Variants in UTRN observed in about 807,000 individuals in gnomAD.
UTRN encodes the protein dystrophin-related protein 1.
A neutral mutation model predicts 463.9 loss-of-function variants in UTRN; 283 were observed. The ratio of observed to expected loss-of-function variants is 0.61; its 90% CI spans 0.55 to 0.67. UTRN has a LOEUF of 0.67. Among genes scored for constraint, UTRN ranks in the 30% least tolerant of loss-of-function variants. The pLI, the probability that UTRN is intolerant of heterozygous loss-of-function variation, is 0.00. For synonymous variants in UTRN, 1,442 were observed against 1,431.5 expected (o/e 1.01, Z -0.17); for missense variants, 3,922 against 4,084.3 (o/e 0.96, Z 1.08).
At chr6:144,828,970 G>T (rs1422327404) in intron 69 of UTRN, 115 bp downstream of exon 69, 8 of 1,206,550 alleles carry the variant, frequency 6.6e-6, no homozygotes, top group Non-Finnish European at 8.3e-6. Context: ...AAATTATTAA[G>T]TGTGGTTCCA....
At chr6:144,793,699 G>C (rs1776959996) in intron 62 of UTRN, 135 bp from the exon 63 acceptor site, 1 of 1,032,644 alleles carries the variant, frequency 9.7e-7, no homozygotes, top group African/African-American at 1.6e-5. Context: ...TTGGAATTCA[G>C]GAGACAACGA....
intron 34 of UTRN, 134 bp downstream of exon 34, chr6:144,499,561 C>T (rs1793988479): frequency 3.7e-6 from 2 of 547,744 alleles, no homozygotes. Flanking sequence ...TGTTTTTCCA[C>T]TTCTCTGTCC....
intron 51 of UTRN, among the ~76,000 whole-genome samples, chr6:144,580,045 G>A (rs1801815853): frequency 6.6e-6 from 1 of 152,116 alleles, no homozygotes; most frequent in African/African-American, 2.4e-5. Flanking sequence ...GTTTTTCTGA[G>A]GCAAGAGAAT....
At position 144,789,249 on chromosome 6, in the gene UTRN, T is replaced by A; in HGVS notation, c.8890T>A (p.Ser2964Thr). Residue 2964 changes from serine (S) to threonine (T), a missense_variant, in exon 62 of 75, where the codon TCC (serine) becomes ACC (threonine). Physicochemically the swap from Ser to Thr is moderately conservative, Grantham distance 58. Coordinates refer to ENST00000367545, the MANE Select transcript of UTRN (RefSeq NM_007124.3). Reference protein sequence around the residue: ...QSLKIGLMSLSKGLLEEKYRY... With the variant: ...QSLKIGLMSLTKGLLEEKYRY... ...TCTGAAGATTGGATTAATGTCTCTCTCCAAAGGTCTCTTGGAAGAAAAATA... is the reference window on the plus strand; with the variant it reads ...TCTGAAGATTGGATTAATGTCTCTCACCAAAGGTCTCTTGGAAGAAAAATA... 6.2e-7 allele frequency: 1 copy of A among 1,613,404 alleles called. No individual in the cohort carries two copies. The highest frequency in any genetic ancestry group is 1.7e-4 in the Middle Eastern group (1 of 6,052).
At chr6:144,696,528 CTT>C (rs945575035) in intron 52 of UTRN, among the ~76,000 whole-genome samples, 2 of 152,152 alleles carry the variant, frequency 1.3e-5, no homozygotes, top group African/African-American at 4.8e-5. Flanking sequence ...AGACTTGACT[CTT>C]TTCTCCTAAT....
In UTRN at chr6:144,840,788, C is replaced by T. The variant is rs749647982; in HGVS notation, c.10226C>T (p.Thr3409Met). 30 of 1,613,848 alleles carry T rather than the reference C, an allele frequency of 1.9e-5. No homozygotes were observed. The South Asian group carries it at 2.4e-4, about 13-fold the overall frequency. The change falls in exon 73 of 75, where the codon ACG becomes ATG. Residue 3409 changes from threonine (T) to methionine (M), a missense_variant. Physicochemically the swap from Thr to Met is moderately conservative, Grantham distance 81. Transcript: ENST00000367545. ...APPHDTSTDL[T>M]EVMEQIHSTF... ...CCGCACGACACCAGCACGGATCTCA[C>T]GGAGGTCATGGAGCAGATTCACAGC...
At position 144,700,222 on chromosome 6, in the gene UTRN, G is replaced by A. The variant is rs140486884; in HGVS notation, c.7788G>A (p.Gln2596=). Residue 2596 remains glutamine, a synonymous_variant, in exon 53 of 75, where the codon CAG becomes CAA. Transcript: ENST00000367545. The part of the protein sequence containing the change: ...MPIGGDVPAL[Q]LQYDHCKALR... ...TTGGAGGAGATGTTCCAGCCTTACAGCTCCAGTATGACCATTGTAAGGTAA... is the reference window on the plus strand; with the variant it reads ...TTGGAGGAGATGTTCCAGCCTTACAACTCCAGTATGACCATTGTAAGGTAA... The A allele has an allele frequency of 2.9e-5, 46 of 1,612,964 alleles. No individual in the cohort carries two copies. In the African/African-American group the frequency reaches 5.7e-4, roughly 20 times the overall value.
chr6:144,434,078 C>A (rs928080213), intron 9 of UTRN, among the ~76,000 whole-genome samples: 3 of 152,218 alleles, frequency 2.0e-5, no homozygotes, highest in Admixed American at 1.3e-4. Flanking sequence ...AACTAGACTC[C>A]GTCTGCAATC....
Position 144,330,737 on chromosome 6 carries a change from C to T in UTRN, c.79+38830C>T, listed in dbSNP as rs527407084. The T allele has an allele frequency of 1.8e-5, 15 of 829,266 alleles. No individual in the cohort carries two copies. The African/African-American group carries it at 2.8e-4, about 15-fold the overall frequency. 51.4% of individuals were successfully genotyped at this position (829,266 alleles called of 1,614,324 possible). A position where few individuals can be genotyped will look rare whatever the true frequency, so the allele number is the denominator to read the frequency against. ...TGGCAGAGGCTCAGACAGAGCAGAC[C>T]AGGATTGGGCTATTCACAGAGGCAG... On this transcript the variant is annotated intron_variant, in intron 2 of 74. Transcript: ENST00000367545.
chr6:144,359,306 T>A (rs1323807105), intron 2 of UTRN, among the ~76,000 whole-genome samples: 1 of 152,188 alleles, frequency 6.6e-6, no homozygotes, highest in African/African-American at 2.4e-5. Context: ...CCAGGTGTCT[T>A]GCAGGGGCAA....
chr6:144,673,287 C>T (rs1393507764), intron 51 of UTRN, among the ~76,000 whole-genome samples: 1 of 152,106 alleles, frequency 6.6e-6, no homozygotes, highest in African/African-American at 2.4e-5. Context: ...AAGTCCCCTA[C>T]AATTATTGTG....
At chr6:144,462,145 G>C (rs529664578) in intron 22 of UTRN, among the ~76,000 whole-genome samples, 13 of 152,182 alleles carry the variant, frequency 8.5e-5, no homozygotes, top group Middle Eastern at 3.4e-3. Context: ...CCACTTATAA[G>C]TGAGAATATG....
intron 52 of UTRN, among the ~76,000 whole-genome samples, chr6:144,686,991 C>G (rs1328758080): frequency 6.6e-6 from 1 of 152,080 alleles, no homozygotes; most frequent in Non-Finnish European, 1.5e-5. Context: ...GAGTTTTATG[C>G]TTTCAGAAGG....
chr6:144,734,124 C>T (rs947597488), intron 54 of UTRN, among the ~76,000 whole-genome samples: 11 of 152,250 alleles, frequency 7.2e-5, no homozygotes, highest in African/African-American at 2.6e-4. Context: ...TCTCACCCCT[C>T]CCCTGGCCGC....
chr6:144,835,723 C>T lies in UTRN; in HGVS notation c.9666-57C>T, dbSNP rs1251824520. 3.1e-6 allele frequency: 5 copies of T among 1,600,010 alleles called. No homozygotes were observed. The African/African-American group carries it at 5.4e-5, about 17-fold the overall frequency. On this transcript the variant is annotated intron_variant, in intron 69 of 74. Transcript: ENST00000367545. ...ATCATTATTTCTACTTCCTTTATGT[C>T]CAAAAACATCACCATCCAGATGTGA...
At position 144,802,599 on chromosome 6, in the gene UTRN, G is replaced by A. The variant is rs148688425; in HGVS notation, c.9246-437G>A. Among the ~76,000 whole-genome samples, 241 of 152,216 alleles carry A rather than the reference G, an allele frequency of 1.6e-3. 3 individuals carry two copies. The East Asian group carries it at 0.038, about 24-fold the overall frequency. On this transcript the variant is annotated intron_variant, in intron 64 of 74. Coordinates refer to ENST00000367545, the MANE Select transcript of UTRN (RefSeq NM_007124.3). ...TTTTAAAACACCATTTCCATTCAAG[G>A]ATGCATTGTGATCAAGGCTTTATTT... is the stretch of plus-strand genomic sequence containing the variant.
At chr6:144,472,096 G>C (rs1790716150) in intron 23 of UTRN, among the ~76,000 whole-genome samples, 1 of 152,220 alleles carries the variant, frequency 6.6e-6, no homozygotes, top group Admixed American at 6.5e-5. Context: ...GAAAAATGGA[G>C]ATGGAGGAAT....
chr6:144,456,942 T>C (rs1251434390), intron 19 of UTRN, among the ~76,000 whole-genome samples: 2 of 152,106 alleles, frequency 1.3e-5, no homozygotes, highest in Non-Finnish European at 2.9e-5. Context: ...CTGAGAAGTG[T>C]AAAGTCAAGT....
At chr6:144,392,900 A>T (rs901382046) in intron 2 of UTRN, among the ~76,000 whole-genome samples, 4 of 152,162 alleles carry the variant, frequency 2.6e-5, no homozygotes, top group Non-Finnish European at 5.9e-5. Flanking sequence ...GCATCAAACA[A>T]GAGGACAATT....
Sources: gnomAD v4.1 joint callset for allele counts (sites outside exome capture counted in the v4.1 genomes callset) on GRCh38, gnomAD v4.1.1 for gene constraint, MANE v1.5 for transcripts, NCBI Gene and HGNC (gene_info 2026-07-23, HGNC 2026-07-21) for gene names.